The following ZFHX4 variants were observed in gnomAD, a reference collection of about 807,000 sequenced individuals.
ZFHX4 encodes zinc finger homeobox 4.
In ZFHX4, 56 loss-of-function variants were observed where a neutral mutation model predicts 267.6. That is an observed-to-expected ratio of 0.21 (90% CI 0.17 to 0.26). ZFHX4 has a LOEUF of 0.26. ZFHX4 is among the 10% of genes least tolerant of loss of function. The pLI is 1.00. For synonymous variants in ZFHX4, 1,778 were observed against 1,665.6 expected, an observed-to-expected ratio of 1.07 and a Z score of -1.64; for missense variants, 4,332 against 4,420.0, an observed-to-expected ratio of 0.98 and a Z score of 0.56.
chr8:76,689,017 AC>A (rs1425458716), intron 1 of ZFHX4, among the ~76,000 whole-genome samples: 1 of 152,036 alleles, frequency 6.6e-6, no homozygotes, highest in African/African-American at 2.4e-5. Flanking sequence ...GTAAAGGAAA[AC>A]TGTTTGATCT....
In ZFHX4 at chr8:76,850,322, A is replaced by G. The variant is rs371908285; in HGVS notation, c.3924A>G (p.Thr1308=). The G allele has an allele frequency of 7.4e-5, 119 of 1,612,882 alleles. No homozygotes were observed. The African/African-American group carries it at 1.3e-3, about 18-fold the overall frequency. The change falls in exon 9 of 11, where the codon ACA becomes ACG. Residue 1308 remains threonine (T), a synonymous_variant. Transcript: ENST00000651372. ...CCTCTGAGAAATCAGAGCGGGACAC[A>G]CCTGCAGCCGTGACAGCTGAGGGGT... ...AAASEKSERD[T]PAAVTAEGSG... is the part of the protein sequence containing the mutation.
At chr8:76,779,569 G>A (rs567957404) in intron 4 of ZFHX4, among the ~76,000 whole-genome samples, 4 of 152,064 alleles carry the variant, frequency 2.6e-5, no homozygotes, top group South Asian at 2.1e-4. Context: ...TGGCAAACCC[G>A]GACCAATGAG....
At chr8:76,733,331 C>T (rs967699005) in intron 3 of ZFHX4, 1 of 152,048 alleles carries the variant, frequency 6.6e-6, no homozygotes, top group African/African-American at 2.4e-5. Flanking sequence ...AATATGAAAG[C>T]TGAGCTGTTC....
intron 6 of ZFHX4, among the ~76,000 whole-genome samples, chr8:76,848,275 G>T (rs939447616): frequency 9.9e-5 from 15 of 152,094 alleles, no homozygotes; most frequent in African/African-American, 3.4e-4. Context: ...AATTAGAATT[G>T]CACTCTTTTC....
At chr8:76,765,090 A>G (rs889897275) in intron 3 of ZFHX4, among the ~76,000 whole-genome samples, 3 of 152,182 alleles carry the variant, frequency 2.0e-5, no homozygotes, top group African/African-American at 7.2e-5. Context: ...GAGCTGTCAT[A>G]AAATACCATT....
intron 5 of ZFHX4, 42 bp from the exon 6 acceptor site, chr8:76,842,613 G>T: frequency 6.9e-7 from 1 of 1,448,688 alleles, no homozygotes; most frequent in South Asian, 1.3e-5. Context: ...TGAACTTTTG[G>T]GCGGTTTTCA....
At chr8:76,734,079 T>C (rs1809093727) in intron 3 of ZFHX4, among the ~76,000 whole-genome samples, 1 of 152,142 alleles carries the variant, frequency 6.6e-6, no homozygotes, top group Non-Finnish European at 1.5e-5. Flanking sequence ...GGCTTAGGAG[T>C]ACTTAGTTAT....
At position 76,853,002 on chromosome 8, in the gene ZFHX4, C is replaced by A. The variant is rs967015904; in HGVS notation, c.6081C>A (p.Ile2027=). 2.6e-6 allele frequency: 4 copies of A among 1,532,664 alleles called. No individual in the cohort carries two copies. The highest frequency in any genetic ancestry group is 3.5e-6 in the Non-Finnish European group (4 of 1,131,736). 94.9% of individuals were successfully genotyped at this position (1,532,664 alleles called of 1,614,324 possible). A position where few individuals can be genotyped will look rare whatever the true frequency, so the allele number is the denominator to read the frequency against. Residue 2027 remains isoleucine (I), a synonymous_variant, in exon 10 of 11, where the codon ATC becomes ATA. Transcript: ENST00000651372. ...CTTCTTCTATGGGTCCTGTAAAGAT[C>A]CCCAACACGGTTTCTACTCCTCTGC... The part of the protein sequence containing the change: ...PQPSSMGPVK[I]PNTVSTPLQA...
rs757954767 is a variant in ZFHX4, at chr8:76,855,741, A to C, written c.8820A>C (p.Gln2940His). The C allele has an allele frequency of 6.2e-7, 1 of 1,613,804 alleles. No homozygotes were observed. The highest frequency in any genetic ancestry group is 8.5e-7 in the Non-Finnish European group (1 of 1,179,868). The stretch of plus-strand genomic sequence containing the variant: ...TTCGAACGCAAATGAGCAATCTTCA[A>C]CTCAAGGTTCTCAAGGCTTGCTTTA... ...KRFRTQMSNLQLKVLKACFSD... is the reference protein window; with the variant it reads ...KRFRTQMSNLHLKVLKACFSD... The change falls in exon 10 of 11, where the codon CAA becomes CAC. Residue 2940 changes from glutamine to histidine, a missense_variant. By Grantham distance (24) the Gln-to-His change is conservative. Transcript: ENST00000651372.
intron 3 of ZFHX4, among the ~76,000 whole-genome samples, chr8:76,759,860 C>T (rs1203688832): frequency 6.6e-6 from 1 of 152,080 alleles, no homozygotes; most frequent in African/African-American, 2.4e-5. Flanking sequence ...AAAATAAATA[C>T]TCTCCATGAG....
intron 1 of ZFHX4, among the ~76,000 whole-genome samples, chr8:76,685,572 A>C (rs574387319): frequency 6.6e-6 from 1 of 152,366 alleles, no homozygotes; most frequent in Admixed American, 6.5e-5. Flanking sequence ...ATATATGTAC[A>C]TTCTGCTGCT....
intron 3 of ZFHX4, among the ~76,000 whole-genome samples, chr8:76,748,903 T>C (rs1025223903): frequency 1.3e-5 from 2 of 152,222 alleles, no homozygotes; most frequent in Non-Finnish European, 2.9e-5. Flanking sequence ...TTTCAACTTA[T>C]ATAAAAGCCA....
Position 76,849,620 on chromosome 8 carries a change from C to A in ZFHX4, c.3754C>A (p.Gln1252Lys). The A allele has an allele frequency of 6.2e-7, 1 of 1,613,970 alleles. No individual in the cohort carries two copies. Residue 1252 changes from glutamine (Q) to lysine (K), a missense_variant, in exon 8 of 11, where the codon CAG becomes AAG. Gln to Lys is a moderately conservative substitution (Grantham distance 53). Transcript: ENST00000651372. ...GCCGGTCATCTGCTGTCCTCTCTGT[C>A]AGGACGTCCTCAGCAACAAAATGCA... The part of the protein sequence containing the change: ...VQPVICCPLC[Q>K]DVLSNKMHLQ...
chr8:76,753,331 G>A (rs139503396), intron 3 of ZFHX4, among the ~76,000 whole-genome samples: 1 of 152,256 alleles, frequency 6.6e-6, no homozygotes, highest in East Asian at 1.9e-4. Context: ...CTTCAGTAGT[G>A]CTACAGGGCA....
chr8:76,741,889 C>T (rs1280365916), intron 3 of ZFHX4, among the ~76,000 whole-genome samples: 1 of 152,174 alleles, frequency 6.6e-6, no homozygotes, highest in Admixed American at 6.6e-5. Context: ...ATAATAAAGA[C>T]AGGAGCAGAA....
rs761737101 is a variant in ZFHX4 at position 76,851,215 on chromosome 8, C to T, written c.4294C>T (p.Arg1432Cys). ...RAATMCNLCQ[R>C]SFRTFQALKK... ...TGCGACAATGTGTAACCTCTGCCAG[C>T]GCAGTTTCCGTACATTCCAGGCTTT... The change falls in exon 10 of 11, where the codon CGC (arginine) becomes TGC (cysteine). Residue 1432 changes from arginine (R) to cysteine (C), a missense_variant. Around this residue, in one of 7 missense-constraint regions of ZFHX4, gnomAD observed 1,371 missense variants for 1,423.1 expected, o/e 0.96. Coordinates refer to ENST00000651372, the MANE Select transcript of ZFHX4 (RefSeq NM_024721.5). The T allele has an allele frequency of 3.2e-5, 52 of 1,613,706 alleles. No homozygotes were observed. In the Admixed American group the frequency reaches 4.7e-4, roughly 14 times the overall value.
intron 1 of ZFHX4, among the ~76,000 whole-genome samples, chr8:76,684,930 A>C (rs1477654816): frequency 2.0e-5 from 3 of 152,180 alleles, no homozygotes; most frequent in Non-Finnish European, 4.4e-5. Context: ...ACACAATGAA[A>C]TTTGATTATC....
chr8:76,692,729 T>C (rs1807856239), intron 1 of ZFHX4, among the ~76,000 whole-genome samples: 1 of 152,144 alleles, frequency 6.6e-6, no homozygotes, highest in Admixed American at 6.5e-5. Flanking sequence ...CATTTTTCAT[T>C]GCGATACATG....
At chr8:76,777,152 C>T (rs955712653) in intron 3 of ZFHX4, among the ~76,000 whole-genome samples, 2 of 152,096 alleles carry the variant, frequency 1.3e-5, no homozygotes, top group African/African-American at 4.8e-5. Flanking sequence ...AATATTCTTC[C>T]TCTTTGTTGC....
Sources: gnomAD v4.1 joint callset for allele counts (sites outside exome capture counted in the v4.1 genomes callset) on GRCh38, gnomAD v4.1.1 for gene constraint, gnomAD v4.1.1 regional missense constraint, MANE v1.5 for transcripts, NCBI Gene and HGNC (gene_info 2026-07-23, HGNC 2026-07-21) for gene names.